The following PLOD2 variants were observed in gnomAD, a reference collection of about 807,000 sequenced individuals.
PLOD2 encodes procollagen-lysine,2-oxoglutarate 5-dioxygenase 2, also known as lysine hydroxylase 2.
A neutral mutation model predicts 101.0 loss-of-function variants in PLOD2; 65 were observed. That is an observed-to-expected ratio of 0.64 (90% confidence interval 0.53 to 0.79). The LOEUF (loss-of-function observed/expected upper bound fraction) is 0.79. Among genes scored for constraint, PLOD2 ranks in the 30% least tolerant of loss-of-function variants. The pLI, the probability that PLOD2 is intolerant of heterozygous loss-of-function variation, is 0.00. For synonymous variants in PLOD2, 314 were observed against 302.9 expected, an observed-to-expected ratio of 1.04 and a Z score of -0.38; for missense variants, 909 against 914.6, an observed-to-expected ratio of 0.99 and a Z score of 0.08.
chr3:146,116,917 G>T (rs1399705853), intron 3 of PLOD2, among the ~76,000 whole-genome samples: 1 of 152,094 alleles, frequency 6.6e-6, no homozygotes. Context: ...TCATCCAAAA[G>T]TAAGTTTAGA....
chr3:146,155,503 G>C (rs1381558612), intron 1 of PLOD2, among the ~76,000 whole-genome samples: 1 of 151,594 alleles, frequency 6.6e-6, no homozygotes, highest in Admixed American at 6.6e-5. Flanking sequence ...ACGAGGTCAG[G>C]AGTTCAAGAC....
At chr3:146,100,293 T>G (rs1937342061) in intron 7 of PLOD2, among the ~76,000 whole-genome samples, 1 of 152,216 alleles carries the variant, frequency 6.6e-6, no homozygotes, top group Admixed American at 6.5e-5. Flanking sequence ...AATTAAGATT[T>G]GTTGAAAGCG....
intron 1 of PLOD2, among the ~76,000 whole-genome samples, chr3:146,157,760 T>C (rs1239516957): frequency 6.6e-6 from 1 of 152,202 alleles, no homozygotes; most frequent in African/African-American, 2.4e-5. Flanking sequence ...GCACAGTCTG[T>C]TTATGGATGA....
At chr3:146,089,153 C>T (rs1274448764) in intron 8 of PLOD2, among the ~76,000 whole-genome samples, 1 of 151,534 alleles carries the variant, frequency 6.6e-6, no homozygotes, top group East Asian at 1.9e-4. Flanking sequence ...ACATAAAAAG[C>T]AATCATGGGA....
At chr3:146,117,709 T>C (rs1264672510) in intron 3 of PLOD2, among the ~76,000 whole-genome samples, 1 of 152,150 alleles carries the variant, frequency 6.6e-6, no homozygotes, top group East Asian at 1.9e-4. Flanking sequence ...AAATTTTATC[T>C]GTTTGTTTCC....
At chr3:146,094,518 A>G (rs1270540045) in intron 7 of PLOD2, among the ~76,000 whole-genome samples, 2 of 152,182 alleles carry the variant, frequency 1.3e-5, no homozygotes, top group African/African-American at 4.8e-5. Context: ...CTAGGAATAC[A>G]ACATACGAGG....
chr3:146,076,271 T>A (rs1936331763), intron 15 of PLOD2: 1 of 151,896 alleles, frequency 6.6e-6, no homozygotes, highest in African/African-American at 2.4e-5. Context: ...GAAAATGACA[T>A]AATATTGTTC....
chr3:146,102,482 G>A (rs1265067766), intron 7 of PLOD2, among the ~76,000 whole-genome samples: 6 of 152,164 alleles, frequency 3.9e-5, no homozygotes, highest in African/African-American at 1.4e-4. Flanking sequence ...TGAGAGAAAT[G>A]TGGCTCACTC....
intron 3 of PLOD2, among the ~76,000 whole-genome samples, chr3:146,112,182 T>A (rs1235128565): frequency 6.6e-6 from 1 of 152,172 alleles, no homozygotes; most frequent in Non-Finnish European, 1.5e-5. Flanking sequence ...CATTCTTCTA[T>A]AAAGTTACAT....
In PLOD2 at chr3:146,102,394, T is replaced by G. The variant is rs147188165; in HGVS notation, c.777+361A>C. 1.4e-4 allele frequency among the ~76,000 whole-genome samples: 21 copies of G among 152,308 alleles called. 2 individuals carry two copies. The East Asian group carries it at 4.1e-3, about 29-fold the overall frequency. ...CCCCAATCTTAACAGTGTTGTTAAC[T>G]TAGAAAACGGCAAGTCAGGTGAAAC... On this transcript the variant is annotated intron_variant, in intron 7 of 19. Transcript: ENST00000282903.
chr3:146,085,636 G>C, intron 10 of PLOD2: 1 of 268,646 alleles, frequency 3.7e-6, no homozygotes, highest in Non-Finnish European at 6.9e-6. Flanking sequence ...AGTTTTAAAT[G>C]AATGTTGGAG....
intron 12 of PLOD2, 27 bp from the exon 13 acceptor site, chr3:146,079,284 T>C: frequency 6.4e-7 from 1 of 1,564,138 alleles, no homozygotes; most frequent in South Asian, 1.1e-5. Context: ...GACATTCTTA[T>C]ATACCACAAA....
At chr3:146,083,964 T>C (rs1260340943) in intron 11 of PLOD2, among the ~76,000 whole-genome samples, 1 of 151,914 alleles carries the variant, frequency 6.6e-6, no homozygotes, top group African/African-American at 2.4e-5. Context: ...ATTCATTAAA[T>C]AGTTCACTAA....
intron 9 of PLOD2, 84 bp from the exon 10 acceptor site, chr3:146,086,992 C>A: frequency 1.4e-6 from 1 of 726,594 alleles, no homozygotes; most frequent in South Asian, 2.1e-5. Context: ...GCTTCACATT[C>A]AAGGTCATGA....
intron 1 of PLOD2, among the ~76,000 whole-genome samples, chr3:146,153,969 A>C (rs1008229053): frequency 1.3e-5 from 2 of 152,192 alleles, no homozygotes; most frequent in Non-Finnish European, 2.9e-5. Context: ...AAAATTTGAG[A>C]ATATAACCCC....
At chr3:146,080,905 C>T (rs1936517420) in intron 12 of PLOD2, among the ~76,000 whole-genome samples, 1 of 152,156 alleles carries the variant, frequency 6.6e-6, no homozygotes. Flanking sequence ...ACTATTTCCA[C>T]AAGCAACACA....
intron 4 of PLOD2, among the ~76,000 whole-genome samples, chr3:146,108,446 G>C (rs1453937092): frequency 6.6e-6 from 1 of 152,198 alleles, no homozygotes; most frequent in African/African-American, 2.4e-5. Flanking sequence ...GCCTCCCAAA[G>C]TGCTGGGATT....
chr3:146,124,074 G>A, intron 2 of PLOD2, 64 bp downstream of exon 2: 1 of 852,302 alleles, frequency 1.2e-6, no homozygotes. Flanking sequence ...TTGTACTGCT[G>A]TTATGAAAAA....
intron 1 of PLOD2, among the ~76,000 whole-genome samples, chr3:146,137,798 T>C (rs944793700): frequency 1.3e-5 from 2 of 151,468 alleles, no homozygotes; most frequent in African/African-American, 4.9e-5. Flanking sequence ...GGGATCACAC[T>C]AAAAAAAATA....
Sources: gnomAD v4.1 joint callset for allele counts (sites outside exome capture counted in the v4.1 genomes callset) on GRCh38, gnomAD v4.1.1 for gene constraint, MANE v1.5 for transcripts, NCBI Gene and HGNC (gene_info 2026-07-23, HGNC 2026-07-21) for gene names.